HGSNAT: variants seen among roughly 807,000 people sequenced by gnomAD.
The protein encoded by HGSNAT is transmembrane protein 76.
HGSNAT carries 59 observed loss-of-function variants against 85.2 expected under a neutral mutation model. That is an observed-to-expected ratio of 0.69 (90% CI 0.56 to 0.86). The LOEUF (loss-of-function observed/expected upper bound fraction) is 0.86, where lower values mean the gene tolerates loss of function less well. Among genes scored for constraint, HGSNAT ranks in the 40% least tolerant of loss-of-function variants. HGSNAT has a pLI of 0.00. For synonymous variants in HGSNAT, 321 were observed against 304.5 expected (o/e 1.05, Z -0.56); for missense variants, 756 against 777.1 (o/e 0.97, Z 0.32).
In HGSNAT at chr8:43,199,632, C is replaced by G; in HGVS notation, c.*63C>G. 9 of 1,289,478 alleles carry G rather than the reference C, an allele frequency of 7.0e-6. No individual in the cohort carries two copies. The highest frequency in any genetic ancestry group is 9.3e-6 in the Non-Finnish European group (9 of 967,366). 79.9% of individuals were successfully genotyped at this position (1,289,478 alleles called of 1,614,324 possible). ...AGGCCTGCAGGGAGGACTGAAGCAG[C>G]CTTTGTTAAAGGGAAGCATTCATTA... On this transcript the variant is annotated 3_prime_UTR_variant, in exon 18 of 18. Coordinates refer to ENST00000379644, the MANE Select transcript of HGSNAT (RefSeq NM_152419.3).
intron 14 of HGSNAT, among the ~76,000 whole-genome samples, chr8:43,195,631 T>A (rs1275929314): frequency 1.8e-3 from 28 of 15,164 alleles, no homozygotes; most frequent in East Asian, 8.0e-3. Context: ...GAGGATGGGG[T>A]GGAGGAAGAG....
intron 9 of HGSNAT, among the ~76,000 whole-genome samples, chr8:43,176,229 A>G (rs4737087): frequency 0.88 from 133,490 of 152,178 alleles, 59,308 homozygotes; most frequent in Non-Finnish European, 0.96. Context: ...TTTTAATATG[A>G]TGAGAGATAG....
intron 11 of HGSNAT, among the ~76,000 whole-genome samples, chr8:43,183,152 G>C (rs1804189629): frequency 6.6e-6 from 1 of 152,134 alleles, no homozygotes; most frequent in Admixed American, 6.5e-5. Flanking sequence ...CTCTCTGCTA[G>C]TTTCAAATGC....
intron 5 of HGSNAT, among the ~76,000 whole-genome samples, chr8:43,164,673 C>T (rs1475849767): frequency 1.3e-5 from 2 of 151,996 alleles, no homozygotes; most frequent in Non-Finnish European, 2.9e-5. Flanking sequence ...CCCAGGTACT[C>T]GGGAGGCTGA....
chr8:43,189,074 G>A (rs1233086771), intron 11 of HGSNAT, among the ~76,000 whole-genome samples: 1 of 152,184 alleles, frequency 6.6e-6, no homozygotes, highest in Non-Finnish European at 1.5e-5. Context: ...TAGGCTACTT[G>A]GGGGTCAGGG....
At chr8:43,198,575 C>G (rs980790761) in intron 17 of HGSNAT, among the ~76,000 whole-genome samples, 3 of 152,142 alleles carry the variant, frequency 2.0e-5, no homozygotes, top group Non-Finnish European at 4.4e-5. Flanking sequence ...GCGTGAGCCA[C>G]CGTGCCCAGC....
chr8:43,194,133 C>G, intron 14 of HGSNAT: 1 of 1,156,930 alleles, frequency 8.6e-7, no homozygotes, highest in African/African-American at 1.6e-5. Context: ...TGCAGTGGCT[C>G]ATGCCTATAA....
At chr8:43,166,058 C>T (rs1416732337) in intron 5 of HGSNAT, among the ~76,000 whole-genome samples, 2 of 152,148 alleles carry the variant, frequency 1.3e-5, no homozygotes, top group Non-Finnish European at 2.9e-5. Context: ...CAGAGCAAGG[C>T]CCTAGCTCTT....
At chr8:43,159,234 G>A (rs560962982) in intron 4 of HGSNAT, among the ~76,000 whole-genome samples, 190 bp downstream of exon 4, 187 of 152,222 alleles carry the variant, frequency 1.2e-3, no homozygotes, top group African/African-American at 4.4e-3. Context: ...TAGTTATGAT[G>A]TATTTAAAAT....
chr8:43,172,625 A>G (rs1213134423), intron 8 of HGSNAT, among the ~76,000 whole-genome samples: 1 of 152,170 alleles, frequency 6.6e-6, no homozygotes, highest in Non-Finnish European at 1.5e-5. Context: ...AACAGACTCT[A>G]GAAGTTTCTG....
At chr8:43,168,367 T>C (rs1260504861) in intron 5 of HGSNAT, among the ~76,000 whole-genome samples, 2 of 151,318 alleles carry the variant, frequency 1.3e-5, no homozygotes, top group African/African-American at 4.8e-5. Context: ...TTTTGCTTTT[T>C]GTATTTAATA....
chr8:43,160,628 G>A (rs1283766526), intron 4 of HGSNAT, among the ~76,000 whole-genome samples: 1 of 152,192 alleles, frequency 6.6e-6, no homozygotes, highest in Non-Finnish European at 1.5e-5. Flanking sequence ...AAATCACAGT[G>A]TAATTATCCC....
intron 10 of HGSNAT, among the ~76,000 whole-genome samples, chr8:43,179,639 G>T (rs1586735682): frequency 7.7e-5 from 2 of 26,008 alleles, no homozygotes; most frequent in Admixed American, 3.3e-4. Flanking sequence ...CCTCCCGGAC[G>T]GGGCGACTGG....
At chr8:43,153,495 T>G (rs117994320) in intron 2 of HGSNAT, among the ~76,000 whole-genome samples, 4,470 of 152,256 alleles carry the variant, frequency 0.029, 117 homozygotes, top group Admixed American at 0.074. Flanking sequence ...GCCCAGCCAA[T>G]GTACACGTTG....
intron 11 of HGSNAT, among the ~76,000 whole-genome samples, chr8:43,187,497 A>G (rs566822446): frequency 2.9e-4 from 44 of 152,156 alleles, no homozygotes; most frequent in Non-Finnish European, 5.6e-4. Flanking sequence ...TTTACCTGGT[A>G]GATCTTCCTC....
At chr8:43,158,064 T>G (rs983698972) in intron 2 of HGSNAT, among the ~76,000 whole-genome samples, 1 of 152,186 alleles carries the variant, frequency 6.6e-6, no homozygotes, top group African/African-American at 2.4e-5. Flanking sequence ...CCTATGAAGA[T>G]TGTACAATTC....
At chr8:43,196,673 G>A (rs1804738144) in intron 14 of HGSNAT, 11 of 642,318 alleles carry the variant, frequency 1.7e-5, no homozygotes, top group South Asian at 1.7e-5. Flanking sequence ...CTCTTCCTGC[G>A]GGGACCCTCT....
chr8:43,190,267 G>T (rs1011170840), intron 11 of HGSNAT, among the ~76,000 whole-genome samples: 2 of 152,186 alleles, frequency 1.3e-5, no homozygotes, highest in African/African-American at 4.8e-5. Context: ...CGACGGAAAT[G>T]TTTAAATTCT....
intron 10 of HGSNAT, chr8:43,181,918 C>T: frequency 1.9e-6 from 1 of 533,080 alleles, no homozygotes; most frequent in Non-Finnish European, 3.3e-6. Context: ...TGAGTTTGAG[C>T]CATGTCCCTG....
Sources: gnomAD v4.1 joint callset for allele counts (sites outside exome capture counted in the v4.1 genomes callset) on GRCh38, gnomAD v4.1.1 for gene constraint, MANE v1.5 for transcripts, NCBI Gene and HGNC (gene_info 2026-07-23, HGNC 2026-07-21) for gene names.